Variants in KLHDC1 observed in about 807,000 individuals in gnomAD.
KLHDC1 encodes kelch domain-containing protein 1.
In KLHDC1, 53 loss-of-function variants were observed where a neutral mutation model predicts 68.3. The ratio of observed to expected loss-of-function variants is 0.78; its 90% CI spans 0.62 to 0.98. KLHDC1 has a LOEUF of 0.98. Ranked by LOEUF, KLHDC1 falls within the 50% of genes least tolerant of loss-of-function variation. The probability of loss-of-function intolerance (pLI) is 0.00; values close to 1 mark genes in which losing one functional copy is unlikely to be tolerated. For missense variants in KLHDC1, 470 were observed against 492.3 expected, an observed-to-expected ratio of 0.95 and a Z score of 0.43; for synonymous variants, 148 against 159.0, an observed-to-expected ratio of 0.93 and a Z score of 0.52.
chr14:49,729,414 G>T, intron 7 of KLHDC1, 76 bp from the exon 8 acceptor site: 2 of 899,590 alleles, frequency 2.2e-6, no homozygotes, highest in South Asian at 2.8e-5. Flanking sequence ...TTTTTAATCT[G>T]AACTTACTTT....
At chr14:49,704,398 T>TG (rs1887992638) in intron 1 of KLHDC1, among the ~76,000 whole-genome samples, 1 of 131,142 alleles carries the variant, frequency 7.6e-6, no homozygotes, top group Non-Finnish European at 1.6e-5. Flanking sequence ...TTTTTTTTTT[T>TG]TTTTTTTTTT....
intron 1 of KLHDC1, among the ~76,000 whole-genome samples, chr14:49,706,525 G>C (rs1434158844): frequency 6.6e-6 from 1 of 152,164 alleles, no homozygotes; most frequent in Non-Finnish European, 1.5e-5. Context: ...TCATATGGTA[G>C]CTCTATTTTT....
intron 1 of KLHDC1, among the ~76,000 whole-genome samples, chr14:49,704,949 G>A (rs1888008933): frequency 6.6e-6 from 1 of 152,170 alleles, no homozygotes. Flanking sequence ...GAAGCTTACA[G>A]TTTAGCAGTA....
At chr14:49,725,642 A>C (rs1888652119) in intron 5 of KLHDC1, 44 bp from the exon 6 acceptor site, 1 of 778,208 alleles carries the variant, frequency 1.3e-6, no homozygotes, top group Admixed American at 4.2e-5. Context: ...TAATAATGTA[A>C]AAATTATTAA....
chr14:49,744,537 C>T (rs1477373223), intron 12 of KLHDC1, among the ~76,000 whole-genome samples: 2 of 151,998 alleles, frequency 1.3e-5, no homozygotes, highest in Non-Finnish European at 2.9e-5. Flanking sequence ...GGAAAACCCC[C>T]ACTTGGATAC....
chr14:49,701,803 G>A (rs935640555), intron 1 of KLHDC1, among the ~76,000 whole-genome samples: 6 of 152,136 alleles, frequency 3.9e-5, no homozygotes, highest in African/African-American at 1.4e-4. Flanking sequence ...AGAGGCCTAG[G>A]CAGGCAGATC....
At chr14:49,709,856 C>A in intron 3 of KLHDC1, 30 bp downstream of exon 3, 2 of 1,133,652 alleles carry the variant, frequency 1.8e-6, no homozygotes, top group Non-Finnish European at 2.6e-6. Context: ...AAGAGTGCAG[C>A]AAAATGTAAT....
chr14:49,724,088 C>A, intron 5 of KLHDC1, 136 bp downstream of exon 5: 1 of 583,254 alleles, frequency 1.7e-6, no homozygotes, highest in Non-Finnish European at 3.0e-6. Flanking sequence ...AATGTGTTTT[C>A]TCTCTTTAAC....
chr14:49,703,479 A>G (rs1344735703), intron 1 of KLHDC1, among the ~76,000 whole-genome samples: 1 of 151,904 alleles, frequency 6.6e-6, no homozygotes, highest in Non-Finnish European at 1.5e-5. Flanking sequence ...AGTAGCTGGG[A>G]TTACAGGTGC....
At chr14:49,722,276 C>T (rs1489151196) in intron 4 of KLHDC1, among the ~76,000 whole-genome samples, 1 of 152,186 alleles carries the variant, frequency 6.6e-6, no homozygotes, top group Non-Finnish European at 1.5e-5. Context: ...ATCCCCGACC[C>T]CATGACAGGC....
At chr14:49,745,211 T>C (rs1889171912) in intron 12 of KLHDC1, among the ~76,000 whole-genome samples, 1 of 152,202 alleles carries the variant, frequency 6.6e-6, no homozygotes, top group Non-Finnish European at 1.5e-5. Context: ...TGAAAACCAT[T>C]AGACTAGCTC....
chr14:49,728,129 C>A (rs1240484212), intron 6 of KLHDC1, among the ~76,000 whole-genome samples: 1 of 152,092 alleles, frequency 6.6e-6, no homozygotes, highest in Non-Finnish European at 1.5e-5. Flanking sequence ...TTGAGACCAG[C>A]CTGGACAGCA....
At chr14:49,732,173 C>CT (rs934214389) in intron 8 of KLHDC1, among the ~76,000 whole-genome samples, 120 of 145,360 alleles carry the variant, frequency 8.3e-4, no homozygotes, top group Middle Eastern at 7.1e-3. Flanking sequence ...GGAGAATTGA[C>CT]TTTTTTTTTT....
chr14:49,750,643 T>C (rs1472621389), intron 12 of KLHDC1, among the ~76,000 whole-genome samples: 12 of 152,220 alleles, frequency 7.9e-5, no homozygotes, highest in African/African-American at 2.9e-4. Context: ...AAAAAAATTT[T>C]TAACACTTAT....
intron 1 of KLHDC1, among the ~76,000 whole-genome samples, chr14:49,705,545 A>G (rs538114389): frequency 2.0e-5 from 3 of 151,080 alleles, no homozygotes; most frequent in African/African-American, 7.3e-5. Flanking sequence ...ATTTTTTTGT[A>G]TTTTTAGTAG....
At chr14:49,695,514 CA>C (rs1244565810) in intron 1 of KLHDC1, among the ~76,000 whole-genome samples, 1 of 152,150 alleles carries the variant, frequency 6.6e-6, no homozygotes, top group African/African-American at 2.4e-5. Flanking sequence ...GCCATGCTGT[CA>C]AAGAGACATG....
chr14:49,697,393 A>G (rs558875034), intron 1 of KLHDC1, among the ~76,000 whole-genome samples: 2 of 152,332 alleles, frequency 1.3e-5, no homozygotes, highest in East Asian at 3.9e-4. Flanking sequence ...CCCCAAAACA[A>G]TTACAGTAAT....
chr14:49,693,348 G>A, intron 1 of KLHDC1, 58 bp downstream of exon 1: 1 of 1,222,124 alleles, frequency 8.2e-7, no homozygotes, highest in Non-Finnish European at 1.1e-6. Context: ...GGCCTGAGCG[G>A]ACGCAGCGCC....
At chr14:49,717,837 C>T (rs955301625) in intron 4 of KLHDC1, among the ~76,000 whole-genome samples, 1 of 152,034 alleles carries the variant, frequency 6.6e-6, no homozygotes, top group African/African-American at 2.4e-5. Flanking sequence ...AATCATCTTA[C>T]TTGTTATAGG....
Sources: gnomAD v4.1 joint callset for allele counts (sites outside exome capture counted in the v4.1 genomes callset) on GRCh38, gnomAD v4.1.1 for gene constraint, MANE v1.5 for transcripts, NCBI Gene and HGNC (gene_info 2026-07-23, HGNC 2026-07-21) for gene names.